Variants in RIMS1 observed in about 807,000 individuals in gnomAD.
RIMS1 encodes the protein regulating synaptic membrane exocytosis 1, also known as regulating synaptic membrane exocytosis protein 1.
In RIMS1, 83 loss-of-function variants were observed where a neutral mutation model predicts 214.1. The observed-to-expected ratio is 0.39, with a 90% CI of 0.32 to 0.47. The LOEUF (loss-of-function observed/expected upper bound fraction) is 0.47, where lower values mean the gene tolerates loss of function less well. RIMS1 is among the 20% of genes least tolerant of loss of function. RIMS1 has a pLI of 0.99. For synonymous variants in RIMS1, 793 were observed against 786.8 expected (o/e 1.01, Z -0.13); for missense variants, 2,050 against 2,161.8 (o/e 0.95, Z 1.03).
At chr6:72,235,851 G>A (rs1167012195) in intron 8 of RIMS1, 123 bp downstream of exon 8, 10 of 428,126 alleles carry the variant, frequency 2.3e-5, no homozygotes, top group African/African-American at 6.2e-5. Flanking sequence ...TATTGATATA[G>A]CATATAGATA....
At chr6:72,243,818 G>A (rs905115392) in intron 10 of RIMS1, among the ~76,000 whole-genome samples, 44 of 151,478 alleles carry the variant, frequency 2.9e-4, no homozygotes, top group African/African-American at 1.1e-3. Flanking sequence ...AGAATTGAAA[G>A]GAACATGGAA....
At chr6:72,085,421 G>GT (rs1377517919) in intron 2 of RIMS1, among the ~76,000 whole-genome samples, 1 of 152,084 alleles carries the variant, frequency 6.6e-6, no homozygotes, top group Non-Finnish European at 1.5e-5. Context: ...TCACAAAATT[G>GT]TAAGTTTTAA....
intron 30 of RIMS1, among the ~76,000 whole-genome samples, chr6:72,392,211 A>G (rs1351622813): frequency 6.6e-6 from 1 of 152,218 alleles, no homozygotes; most frequent in East Asian, 1.9e-4. Context: ...ATTAATTTCC[A>G]TTGGAACCAA....
At chr6:71,955,381 G>T (rs1215898404) in intron 1 of RIMS1, among the ~76,000 whole-genome samples, 1 of 152,034 alleles carries the variant, frequency 6.6e-6, no homozygotes, top group Non-Finnish European at 1.5e-5. Flanking sequence ...TGGCCAGGGT[G>T]GTCTCGAACT....
chr6:72,271,486 G>T (rs2083361785), intron 22 of RIMS1, among the ~76,000 whole-genome samples: 1 of 151,412 alleles, frequency 6.6e-6, no homozygotes, highest in Non-Finnish European at 1.5e-5. Flanking sequence ...GCTATTTATG[G>T]AATTAATGAC....
chr6:72,145,030 C>T (rs1257776436), intron 4 of RIMS1, among the ~76,000 whole-genome samples: 3 of 151,896 alleles, frequency 2.0e-5, no homozygotes, highest in Admixed American at 1.3e-4. Context: ...ATTTTTCTCT[C>T]TCCAGTTCTT....
intron 4 of RIMS1, among the ~76,000 whole-genome samples, chr6:72,152,615 A>T (rs190076475): frequency 6.6e-6 from 1 of 151,792 alleles, no homozygotes; most frequent in Non-Finnish European, 1.5e-5. Flanking sequence ...GTTTGATATT[A>T]TCACAGCACT....
chr6:72,365,281 CTG>C (rs1257449042), intron 29 of RIMS1, among the ~76,000 whole-genome samples: 1 of 152,216 alleles, frequency 6.6e-6, no homozygotes, highest in Non-Finnish European at 1.5e-5. Flanking sequence ...GATTTTAACA[CTG>C]TTTATATTCC....
rs74654905 is a variant in RIMS1 at position 71,916,607 on chromosome 6, A to G, written c.164+29420A>G. On this transcript the variant is annotated intron_variant, in intron 1 of 33. Coordinates refer to ENST00000521978, the MANE Select transcript of RIMS1 (RefSeq NM_014989.7). ...TTATTATTGCTCTGGATTTCTGAGTATATAATTAATTTTGTAATGTGGAGA... is the reference window on the plus strand; with the variant it reads ...TTATTATTGCTCTGGATTTCTGAGTGTATAATTAATTTTGTAATGTGGAGA... Among the ~76,000 whole-genome samples, 1,437 of 152,248 alleles carry G rather than the reference A, an allele frequency of 9.4e-3. 8 individuals carry two copies. The highest frequency in any genetic ancestry group is 0.015 in the Non-Finnish European group (1,016 of 67,996).
intron 4 of RIMS1, among the ~76,000 whole-genome samples, chr6:72,178,915 A>T (rs1385488021): frequency 2.0e-5 from 3 of 152,242 alleles, no homozygotes; most frequent in Non-Finnish European, 4.4e-5. Flanking sequence ...GAGTGGTCAC[A>T]TATGAATAAA....
At chr6:72,398,867 C>T (rs1195593716) in intron 32 of RIMS1, 88 bp from the exon 33 acceptor site, 2 of 785,054 alleles carry the variant, frequency 2.5e-6, no homozygotes, top group African/African-American at 3.5e-5. Context: ...CAGTAAGCAT[C>T]TCTAATTCTC....
Position 72,275,884 on chromosome 6 carries a change from A to G in RIMS1, c.3482+1452A>G, listed in dbSNP as rs557488810. On this transcript the variant is annotated intron_variant, in intron 23 of 33. Coordinates refer to ENST00000521978, the MANE Select transcript of RIMS1 (RefSeq NM_014989.7). The stretch of plus-strand genomic sequence containing the variant: ...GATTAAGACAGACAAAGTCCTGGCC[A>G]TCAGGGAACTTAGAATTTTCTTTTA... 5.8e-4 allele frequency among the ~76,000 whole-genome samples: 88 copies of G among 152,354 alleles called. No homozygotes were observed. In the South Asian group the frequency reaches 0.01, roughly 18 times the overall value.
At chr6:72,109,801 C>G (rs536448384) in intron 4 of RIMS1, among the ~76,000 whole-genome samples, 1 of 152,034 alleles carries the variant, frequency 6.6e-6, no homozygotes, top group Admixed American at 6.6e-5. Context: ...AATGGTAATG[C>G]CTAGGTTTTC....
chr6:72,171,047 C>T (rs1457529082), intron 4 of RIMS1, among the ~76,000 whole-genome samples: 2 of 151,874 alleles, frequency 1.3e-5, no homozygotes, highest in Non-Finnish European at 1.5e-5. Flanking sequence ...ATAATGAGAA[C>T]GTCAGCAAAT....
intron 28 of RIMS1, among the ~76,000 whole-genome samples, chr6:72,320,939 C>T (rs2096121283): frequency 6.6e-6 from 1 of 151,808 alleles, no homozygotes; most frequent in Non-Finnish European, 1.5e-5. Flanking sequence ...TTTAGAAAGT[C>T]ATCATTTAAA....
At position 72,156,051 on chromosome 6, in the gene RIMS1, A is replaced by G. The variant is rs567152808; in HGVS notation, c.472-23524A>G. The stretch of plus-strand genomic sequence containing the variant: ...TAAATTGACATAGCCACTATGGAAA[A>G]CAGTATGGAGTTCCCTCAGAAAATT... On this transcript the variant is annotated intron_variant, in intron 4 of 33. Transcript: ENST00000521978. 1.4e-5 allele frequency: 5 copies of G among 361,118 alleles called. No homozygotes were observed. The East Asian group carries it at 4.2e-4, about 30-fold the overall frequency. 22.4% of individuals were successfully genotyped at this position (361,118 alleles called of 1,614,324 possible). A position where few individuals can be genotyped will look rare whatever the true frequency, so the allele number is the denominator to read the frequency against.
intron 1 of RIMS1, among the ~76,000 whole-genome samples, chr6:71,952,067 A>G (rs1789772162): frequency 6.6e-6 from 1 of 152,152 alleles, no homozygotes; most frequent in South Asian, 2.1e-4. Context: ...TCCATCATGC[A>G]TGGGCAGGCC....
chr6:72,034,688 CT>C (rs1213990044), intron 2 of RIMS1, among the ~76,000 whole-genome samples: 1 of 151,944 alleles, frequency 6.6e-6, no homozygotes, highest in East Asian at 1.9e-4. Flanking sequence ...TTAAATGTCA[CT>C]TTGTCTAAGT....
chr6:72,041,111 C>T (rs1246649217), intron 2 of RIMS1, among the ~76,000 whole-genome samples: 3 of 151,858 alleles, frequency 2.0e-5, no homozygotes, highest in African/African-American at 7.2e-5. Flanking sequence ...CATAGGAATA[C>T]ACATTAAGTA....
Sources: gnomAD v4.1 joint callset for allele counts (sites outside exome capture counted in the v4.1 genomes callset) on GRCh38, gnomAD v4.1.1 for gene constraint, MANE v1.5 for transcripts, NCBI Gene and HGNC (gene_info 2026-07-23, HGNC 2026-07-21) for gene names.